Variants in OCA2 observed in about 807,000 individuals in gnomAD.
The protein encoded by OCA2 is OCA2 melanosomal transmembrane protein.
Under a neutral mutation model 100.2 loss-of-function variants are expected in OCA2, and 77 were observed. The ratio of observed to expected loss-of-function variants is 0.77; its 90% CI spans 0.64 to 0.93. The LOEUF (loss-of-function observed/expected upper bound fraction) is 0.93. Ranked by LOEUF, OCA2 falls within the 40% of genes least tolerant of loss-of-function variation. The probability of loss-of-function intolerance (pLI) is 0.00; values close to 1 mark genes in which losing one functional copy is unlikely to be tolerated. For missense variants in OCA2, 1,062 were observed against 1,089.1 expected, an observed-to-expected ratio of 0.98 and a Z score of 0.35; for synonymous variants, 432 against 439.2, an observed-to-expected ratio of 0.98 and a Z score of 0.21.
intron 1 of OCA2, among the ~76,000 whole-genome samples, chr15:28,083,703 A>T (rs546441437): frequency 6.6e-6 from 1 of 151,992 alleles, no homozygotes; most frequent in Admixed American, 6.6e-5. Flanking sequence ...TAGAATAATG[A>T]CATTAAATAC....
chr15:27,886,056 A>G (rs537821254), intron 19 of OCA2, among the ~76,000 whole-genome samples: 1 of 152,152 alleles, frequency 6.6e-6, no homozygotes, highest in South Asian at 2.1e-4. Flanking sequence ...GACTCTAGAG[A>G]GGTGAACCAC....
At chr15:27,738,215 T>G in the OCA2 span, among the ~76,000 whole-genome samples, 1 of 152,102 alleles carries the variant, frequency 6.6e-6, no homozygotes, top group African/African-American at 2.4e-5. Context: ...ACAAGAATGT[T>G]CCTAGCACAA....
intron 6 of OCA2, among the ~76,000 whole-genome samples, chr15:28,020,265 G>T (rs1476003354): frequency 6.6e-6 from 1 of 152,142 alleles, no homozygotes; most frequent in Non-Finnish European, 1.5e-5. Flanking sequence ...GAATAAAGGG[G>T]ACACACTGGG....
intron 2 of OCA2, among the ~76,000 whole-genome samples, chr15:28,060,138 G>C (rs2043827070): frequency 6.6e-6 from 1 of 152,192 alleles, no homozygotes; most frequent in Non-Finnish European, 1.5e-5. Context: ...TCCCTGCCAG[G>C]CTCCTCAGGG....
intron 21 of OCA2, among the ~76,000 whole-genome samples, chr15:27,853,479 C>T (rs959686245): frequency 2.0e-5 from 3 of 147,278 alleles, no homozygotes; most frequent in African/African-American, 5.1e-5. Context: ...TGCTAAATGA[C>T]GAGTTAATGG....
chr15:27,817,103 T>C (rs1028986398), intron 23 of OCA2, among the ~76,000 whole-genome samples: 7 of 152,260 alleles, frequency 4.6e-5, no homozygotes, highest in South Asian at 2.1e-4. Context: ...GCATCCTTAC[T>C]CTCCTATTTA....
At chr15:27,903,375 C>T (rs59950483) in intron 19 of OCA2, among the ~76,000 whole-genome samples, 44,610 of 152,136 alleles carry the variant, frequency 0.29, 7,131 homozygotes, top group East Asian at 0.62. Context: ...CGCTCCAGGA[C>T]GCCTGTGCAG....
chr15:27,755,591 C>A, intron 23 of OCA2, 119 bp from the exon 24 acceptor site: 2 of 742,738 alleles, frequency 2.7e-6, no homozygotes, highest in Non-Finnish European at 2.4e-6. Flanking sequence ...ATGGCCACTA[C>A]CTTTTATTTC....
intron 2 of OCA2, among the ~76,000 whole-genome samples, chr15:28,036,154 G>A (rs1332654835): frequency 6.6e-6 from 1 of 152,148 alleles, no homozygotes; most frequent in Admixed American, 6.6e-5. Context: ...TCCATTACAT[G>A]GATCATCAAA....
intron 23 of OCA2, among the ~76,000 whole-genome samples, chr15:27,794,441 C>T (rs1197486699): frequency 6.6e-6 from 1 of 152,166 alleles, no homozygotes; most frequent in Non-Finnish European, 1.5e-5. Context: ...TGTCAGGAAA[C>T]AACTTCAAAT....
chr15:27,808,942 C>T (rs1175020321), intron 23 of OCA2, among the ~76,000 whole-genome samples: 1 of 152,158 alleles, frequency 6.6e-6, no homozygotes, highest in African/African-American at 2.4e-5. Flanking sequence ...TGCCATCATT[C>T]TCCTTCCTCT....
chr15:27,875,522 T>C (rs940597518), intron 19 of OCA2, among the ~76,000 whole-genome samples: 1 of 152,150 alleles, frequency 6.6e-6, no homozygotes, highest in African/African-American at 2.4e-5. Flanking sequence ...AATTGTGTAA[T>C]TAGCTTGTCA....
intron 1 of OCA2, among the ~76,000 whole-genome samples, chr15:28,088,177 T>C (rs1383211005): frequency 2.6e-5 from 4 of 152,252 alleles, no homozygotes; most frequent in South Asian, 4.1e-4. Context: ...CTACTGTTGA[T>C]AGCATGCTAT....
intron 19 of OCA2, among the ~76,000 whole-genome samples, chr15:27,885,164 C>G (rs898676448): frequency 6.6e-6 from 1 of 152,160 alleles, no homozygotes; most frequent in African/African-American, 2.4e-5. Flanking sequence ...CCAGAAATGA[C>G]AGTTAGCCAG....
At chr15:27,946,310 G>A (rs2039833192) in intron 18 of OCA2, among the ~76,000 whole-genome samples, 1 of 152,176 alleles carries the variant, frequency 6.6e-6, no homozygotes, top group African/African-American at 2.4e-5. Flanking sequence ...AGTCCTTGTG[G>A]ATGAACTGTA....
At chr15:28,051,152 G>A (rs1317919553) in intron 2 of OCA2, among the ~76,000 whole-genome samples, 1 of 152,212 alleles carries the variant, frequency 6.6e-6, no homozygotes, top group Non-Finnish European at 1.5e-5. Context: ...CACACTTAGA[G>A]AATGTTGTGG....
chr15:28,061,823 A>G (rs1473014036), intron 2 of OCA2, among the ~76,000 whole-genome samples: 2 of 152,174 alleles, frequency 1.3e-5, no homozygotes, highest in African/African-American at 2.4e-5. Context: ...AAAACATACA[A>G]TTTATCGTTT....
At chr15:28,074,396 CGGGCGCGGT>C (rs1471380084) in intron 2 of OCA2, among the ~76,000 whole-genome samples, 3 of 151,612 alleles carry the variant, frequency 2.0e-5, no homozygotes, top group Non-Finnish European at 4.4e-5. Context: ...AAAAAATGGC[CGGGCGCGGT>C]GGCTCACGCC....
At chr15:27,737,807 A>T in the OCA2 span, among the ~76,000 whole-genome samples, 1 of 152,018 alleles carries the variant, frequency 6.6e-6, no homozygotes, top group Non-Finnish European at 1.5e-5. Flanking sequence ...GTAACAAGGC[A>T]GTCATTGATC....
Sources: allele counts gnomAD v4.1 joint callset (sites outside exome capture counted in the v4.1 genomes callset), GRCh38; gene constraint gnomAD v4.1.1; transcripts MANE v1.5; gene names NCBI Gene and HGNC (gene_info 2026-07-23, HGNC 2026-07-21).